Variants in SNTG1 observed in about 807,000 individuals in gnomAD.
The protein encoded by SNTG1 is syntrophin gamma 1.
SNTG1 carries 39 observed loss-of-function variants against 74.7 expected under a neutral mutation model. The observed-to-expected ratio is 0.52, with a 90% CI of 0.40 to 0.68. The LOEUF (loss-of-function observed/expected upper bound fraction) is 0.68. Among genes scored for constraint, SNTG1 ranks in the 30% least tolerant of loss-of-function variants. The probability of loss-of-function intolerance (pLI) is 0.00; values close to 1 mark genes in which losing one functional copy is unlikely to be tolerated. For missense variants in SNTG1, 685 were observed against 609.5 expected (o/e 1.12, Z -1.30); for synonymous variants, 254 against 217.1 (o/e 1.17, Z -1.49).
chr8:50,192,923 A>G (rs959238857), intron 2 of SNTG1, among the ~76,000 whole-genome samples: 1 of 151,752 alleles, frequency 6.6e-6, no homozygotes, highest in Non-Finnish European at 1.5e-5. Context: ...TCCCTGTTTT[A>G]TGTTTTTGTT....
intron 17 of SNTG1, among the ~76,000 whole-genome samples, chr8:50,718,873 TG>T (rs1488251145): frequency 1.3e-5 from 2 of 152,256 alleles, no homozygotes; most frequent in African/African-American, 4.8e-5. Context: ...GCTTAATCTC[TG>T]TCAGTGGGCC....
At chr8:50,511,347 A>G (rs994000096) in intron 9 of SNTG1, among the ~76,000 whole-genome samples, 5 of 152,112 alleles carry the variant, frequency 3.3e-5, no homozygotes, top group African/African-American at 1.2e-4. Context: ...TATGTGGTCA[A>G]TTTTGGAATA....
intron 1 of SNTG1, among the ~76,000 whole-genome samples, chr8:50,051,678 C>T (rs755435533): frequency 7.2e-5 from 11 of 152,082 alleles, no homozygotes; most frequent in African/African-American, 9.7e-5. Context: ...CTTATAGCTA[C>T]GTAACTCCAT....
At chr8:50,021,781 T>C (rs1816838135) in intron 1 of SNTG1, among the ~76,000 whole-genome samples, 1 of 150,478 alleles carries the variant, frequency 6.6e-6, no homozygotes, top group African/African-American at 2.4e-5. Context: ...ACAGAAAATA[T>C]CTTATAAAAA....
chr8:50,518,689 A>T (rs1316208282), intron 9 of SNTG1, among the ~76,000 whole-genome samples: 1 of 152,338 alleles, frequency 6.6e-6, no homozygotes, highest in Non-Finnish European at 1.5e-5. Flanking sequence ...CTATGCAAAT[A>T]AACTAGAAAA....
intron 18 of SNTG1, among the ~76,000 whole-genome samples, chr8:50,764,373 A>T (rs2095608213): frequency 6.6e-6 from 1 of 151,984 alleles, no homozygotes; most frequent in Admixed American, 6.6e-5. Flanking sequence ...TGTACATGTG[A>T]TAAGGTGTTA....
Position 50,513,805 on chromosome 8 carries a change from C to A in SNTG1, c.466+10925C>A, listed in dbSNP as rs568066489. Among the ~76,000 whole-genome samples, 8 of 152,332 alleles carry A rather than the reference C, an allele frequency of 5.3e-5. No individual in the cohort carries two copies. The South Asian group carries it at 1.4e-3, about 28-fold the overall frequency. On this transcript the variant is annotated intron_variant, in intron 9 of 18. Transcript: ENST00000642720. ...TGGGAGTGACCCAATTTTCCAGATG[C>A]TATCTGTCACCCCTTTCTTTGACTA...
At chr8:50,020,655 T>G (rs1290904375) in intron 1 of SNTG1, among the ~76,000 whole-genome samples, 1 of 152,158 alleles carries the variant, frequency 6.6e-6, no homozygotes, top group African/African-American at 2.4e-5. Context: ...ACAAAGGGGC[T>G]ATTTATTGGA....
intron 1 of SNTG1, among the ~76,000 whole-genome samples, chr8:50,071,139 T>C (rs1392012577): frequency 6.6e-6 from 1 of 152,116 alleles, no homozygotes; most frequent in African/African-American, 2.4e-5. Flanking sequence ...AGATCCCAAC[T>C]CCTAAGGGAA....
chr8:50,735,014 G>A (rs28815525), intron 17 of SNTG1, among the ~76,000 whole-genome samples: 57,972 of 140,956 alleles, frequency 0.41, 14,747 homozygotes, highest in African/African-American at 0.7. Flanking sequence ...TCTCAACCAT[G>A]CAACTTGTAA....
intron 1 of SNTG1, among the ~76,000 whole-genome samples, chr8:49,994,807 C>A (rs1277372047): frequency 1.3e-5 from 2 of 151,838 alleles, no homozygotes; most frequent in African/African-American, 4.8e-5. Context: ...ACTGAATGGG[C>A]TAAAGGGTAC....
chr8:50,261,392 A>G (rs2087186796), intron 2 of SNTG1, among the ~76,000 whole-genome samples: 1 of 152,164 alleles, frequency 6.6e-6, no homozygotes, highest in African/African-American at 2.4e-5. Context: ...CCTATCTTAC[A>G]ATGAATGTTA....
At chr8:50,621,346 A>G (rs1434700467) in intron 13 of SNTG1, among the ~76,000 whole-genome samples, 5 of 152,174 alleles carry the variant, frequency 3.3e-5, no homozygotes, top group African/African-American at 9.7e-5. Flanking sequence ...TACAAGCACA[A>G]AGTAGGTGAT....
chr8:50,752,663 T>A (rs1265946777), intron 18 of SNTG1, among the ~76,000 whole-genome samples: 1 of 152,000 alleles, frequency 6.6e-6, no homozygotes, highest in African/African-American at 2.4e-5. Context: ...AAGCTCAATA[T>A]AATTTTTCAA....
rs533514499 is a variant in SNTG1 at position 50,402,235 on chromosome 8, A to T, written c.53A>T (p.Gln18Leu). The T allele has an allele frequency of 6.2e-7, 1 of 1,603,118 alleles. No homozygotes were observed. Among genetic ancestry groups the T allele is most frequent in the Admixed American group, 1.8e-5 (1 of 57,104 alleles). Residue 18 changes from glutamine to leucine, a missense_variant, in exon 4 of 19, where the codon CAG (glutamine) becomes CTG (leucine). Gln to Leu is a moderately radical substitution (Grantham distance 113, BLOSUM62 -2). Coordinates refer to ENST00000642720, the MANE Select transcript of SNTG1 (RefSeq NM_018967.5). ...EETKTGICLLQDGNQEPFKVR... is the reference protein window; with the variant it reads ...EETKTGICLLLDGNQEPFKVR... ...ACAAAGACAGGAATTTGTTTGCTGC[A>T]GGATGGTAACCAGGAGCCTTTCAAA...
chr8:50,197,114 G>A (rs970562901), intron 2 of SNTG1, among the ~76,000 whole-genome samples: 6 of 152,186 alleles, frequency 3.9e-5, no homozygotes, highest in Non-Finnish European at 7.4e-5. Flanking sequence ...GAAGAGTACC[G>A]AAATTTAGCA....
chr8:50,541,331 C>T (rs377085203), intron 11 of SNTG1, among the ~76,000 whole-genome samples: 39 of 151,742 alleles, frequency 2.6e-4, no homozygotes, highest in African/African-American at 8.0e-4. Context: ...CATCCACTAA[C>T]GCAGTCAAGT....
intron 1 of SNTG1, among the ~76,000 whole-genome samples, chr8:50,001,213 C>T (rs1814707776): frequency 6.6e-6 from 1 of 152,022 alleles, no homozygotes; most frequent in Non-Finnish European, 1.5e-5. Flanking sequence ...AGGGTTCGGT[C>T]TGTGTGAAAC....
At chr8:49,983,430 T>C (rs1812861529) in intron 1 of SNTG1, among the ~76,000 whole-genome samples, 1 of 152,242 alleles carries the variant, frequency 6.6e-6, no homozygotes, top group Non-Finnish European at 1.5e-5. Context: ...AAATTCAGTC[T>C]TTAAACATAA....
Sources: gnomAD v4.1 joint callset for allele counts (sites outside exome capture counted in the v4.1 genomes callset) on GRCh38, gnomAD v4.1.1 for gene constraint, MANE v1.5 for transcripts, NCBI Gene and HGNC (gene_info 2026-07-23, HGNC 2026-07-21) for gene names.